Variants in FSTL3 observed in about 807,000 individuals in gnomAD.
FSTL3 encodes the protein follistatin-related protein 3.
FSTL3 carries 21 observed loss-of-function variants against 28.1 expected under a neutral mutation model. That is an observed-to-expected ratio of 0.75 (90% confidence interval 0.53 to 1.08). The LOEUF is 1.08. Among genes scored for constraint, FSTL3 ranks in the 50% least tolerant of loss-of-function variants. FSTL3 has a pLI of 0.00. For synonymous variants in FSTL3, 199 were observed against 164.2 expected (o/e 1.21, Z -1.62); for missense variants, 400 against 380.9 (o/e 1.05, Z -0.42).
intron 1 of FSTL3, 23 bp downstream of exon 1, chr19:676,549 CGGGCG>C: frequency 2.7e-6 from 1 of 365,144 alleles, no homozygotes; most frequent in Non-Finnish European, 3.8e-6. Flanking sequence ...GCCAGAGGGG[CGGGCG>C]GGGCGGGCCA....
chr19:681,090 A>G (rs1398849588), intron 3 of FSTL3, among the ~76,000 whole-genome samples: 1 of 148,364 alleles, frequency 6.7e-6, no homozygotes, highest in African/African-American at 2.5e-5. Flanking sequence ...GGCTTTGGGT[A>G]GCATAAGGGG....
intron 2 of FSTL3, among the ~76,000 whole-genome samples, chr19:678,300 G>C (rs748228970): frequency 8.5e-5 from 13 of 152,174 alleles, no homozygotes; most frequent in Non-Finnish European, 1.5e-4. Flanking sequence ...TTGCCATTCT[G>C]GCCTGTGACC....
intron 1 of FSTL3, among the ~76,000 whole-genome samples, chr19:676,791 G>A (rs893774922): frequency 2.6e-5 from 4 of 152,174 alleles, no homozygotes; most frequent in Non-Finnish European, 4.4e-5. Flanking sequence ...CGATAGTGCC[G>A]GAGCTCTCTT....
chr19:680,967 A>T, intron 3 of FSTL3: 1 of 277,170 alleles, frequency 3.6e-6, no homozygotes, highest in Non-Finnish European at 6.8e-6. Context: ...GGGGGGTGAG[A>T]CTGGGTCATG....
At chr19:681,597 G>A in intron 4 of FSTL3, 37 bp downstream of exon 4, 5 of 1,597,246 alleles carry the variant, frequency 3.1e-6, no homozygotes, top group Non-Finnish European at 4.3e-6. Flanking sequence ...CCTGTCCTGG[G>A]GGCCGGAGAA....
At chr19:677,481 T>C (rs1370725357) in intron 1 of FSTL3, among the ~76,000 whole-genome samples, 1 of 150,790 alleles carries the variant, frequency 6.6e-6, no homozygotes, top group African/African-American at 2.4e-5. Context: ...TTTGGTGGTG[T>C]TTGAGGGGTT....
intron 3 of FSTL3, chr19:680,981 G>C (rs1217356813): frequency 2.8e-6 from 1 of 355,072 alleles, no homozygotes; most frequent in Non-Finnish European, 5.2e-6. Flanking sequence ...GGTCATGTAA[G>C]GGGCGGGGCT....
intron 2 of FSTL3, chr19:680,058 C>G (rs1028403389): frequency 4.1e-6 from 1 of 241,136 alleles, no homozygotes; most frequent in Admixed American, 5.7e-5. Flanking sequence ...CCAGCGCAGG[C>G]GCAGCGCGGA....
chr19:680,427 T>TGCGCGCC lies in FSTL3; in HGVS notation c.450_456dup (p.Cys153ArgfsTer22). On this transcript the variant is annotated frameshift_variant, in exon 3 of 5. Coordinates refer to ENST00000166139, the MANE Select transcript of FSTL3 (RefSeq NM_005860.3). LOFTEE classifies it high-confidence loss of function. ...GCCACCTACCGCGACGAGTGCGAGC[T>TGCGCGCC]GCGCGCCGCGCGCTGCCGCGGCCAC... is the stretch of plus-strand genomic sequence containing the variant. The TGCGCGCC allele has an allele frequency of 7.9e-7, 1 of 1,266,510 alleles. No homozygotes were observed. 78.5% of individuals were successfully genotyped at this position (1,266,510 alleles called of 1,614,324 possible).
At chr19:677,200 C>T (rs1417608014) in intron 1 of FSTL3, among the ~76,000 whole-genome samples, 1 of 152,156 alleles carries the variant, frequency 6.6e-6, no homozygotes, top group Non-Finnish European at 1.5e-5. Flanking sequence ...TGGCTCCCCA[C>T]CCCCCATCCC....
At position 676,433 on chromosome 19, in the gene FSTL3, G is replaced by C; in HGVS notation, c.10G>C (p.Gly4Arg). The C allele has an allele frequency of 1.7e-6, 2 of 1,205,338 alleles. No individual in the cohort carries two copies. The highest frequency in any genetic ancestry group is 2.1e-6 in the Non-Finnish European group (2 of 965,792). 74.7% of individuals were successfully genotyped at this position (1,205,338 alleles called of 1,614,324 possible). ...CGTCTCTGCGTTCGCCATGCGTCCC[G>C]GGGCGCCAGGGCCACTCTGGCCTCT... is the stretch of plus-strand genomic sequence containing the variant. MRP[G>R]APGPLWPLPW... Residue 4 changes from glycine (G) to arginine (R), a missense_variant, in exon 1 of 5, where the codon GGG (glycine) becomes CGG (arginine). Physicochemically the swap from Gly to Arg is moderately radical, Grantham distance 125. Transcript: ENST00000166139.
intron 2 of FSTL3, chr19:679,987 G>A (rs2066800055): frequency 8.9e-6 from 2 of 225,540 alleles, no homozygotes; most frequent in African/African-American, 2.4e-5. Context: ...GCTGGACCCC[G>A]ATTCCGGGCA....
rs2144802984 is a variant in FSTL3, at chr19:683,008, C to T, written c.*1300C>T. The T allele has an allele frequency of 4.3e-6, 1 of 233,420 alleles. No homozygotes were observed. The highest frequency in any genetic ancestry group is 6.0e-5 in the East Asian group (1 of 16,556). 14.5% of individuals were successfully genotyped at this position (233,420 alleles called of 1,614,324 possible). A position where few individuals can be genotyped will look rare whatever the true frequency, so the allele number is the denominator to read the frequency against. On this transcript the variant is annotated 3_prime_UTR_variant, in exon 5 of 5. Coordinates refer to ENST00000166139, the MANE Select transcript of FSTL3 (RefSeq NM_005860.3). ...CAGGCCTGCAGACCCAGACTCCAGCCAGACCTGCCTCACCCACCAATGCAG... is the reference window on the plus strand; with the variant it reads ...CAGGCCTGCAGACCCAGACTCCAGCTAGACCTGCCTCACCCACCAATGCAG...
At chr19:678,091 G>A (rs767426913) in intron 2 of FSTL3, 114 bp downstream of exon 2, 41 of 961,922 alleles carry the variant, frequency 4.3e-5, no homozygotes, top group Admixed American at 3.2e-4. Context: ...GGGGTATGTA[G>A]GAGGCTGCAG....
rs2031359769 is a variant in FSTL3 at position 682,403 on chromosome 19, G to A, written c.*695G>A. On this transcript the variant is annotated 3_prime_UTR_variant, in exon 5 of 5. Coordinates refer to ENST00000166139, the MANE Select transcript of FSTL3 (RefSeq NM_005860.3). ...GGTCTAGCCTGGGTGAGTATGGAGG[G>A]TCTAGCCTGGGTGTGTACGGAGGGT... The A allele has an allele frequency of 4.2e-6, 1 of 237,156 alleles. No individual in the cohort carries two copies. Among genetic ancestry groups the A allele is most frequent in the South Asian group, 1.5e-4 (1 of 6,880 alleles). The allele number at this position is 237,156 out of a possible 1,614,324, so 14.7% of individuals were successfully genotyped here. A position where few individuals can be genotyped will look rare whatever the true frequency, so the allele number is the denominator to read the frequency against.
Position 676,514 on chromosome 19 carries a change from A to T in FSTL3, c.91A>T (p.Asn31Tyr). The change falls in exon 1 of 5, where the codon AAC (asparagine) becomes TAC (tyrosine). Residue 31 changes from asparagine (N) to tyrosine (Y), a missense_variant. Transcript: ENST00000166139. Reference protein sequence around the residue: ...VGFVSSMGSGNPAPGGVCWLQ... With the variant: ...VGFVSSMGSGYPAPGGVCWLQ... ...CTTCGTGAGCTCCATGGGCTCGGGGAACCCCGCGCCCGGTGAGTGGGGCGG... is the reference window on the plus strand; with the variant it reads ...CTTCGTGAGCTCCATGGGCTCGGGGTACCCCGCGCCCGGTGAGTGGGGCGG... 8.9e-7 allele frequency: 1 copy of T among 1,127,036 alleles called. No individual in the cohort carries two copies. The highest frequency in any genetic ancestry group is 1.1e-6 in the Non-Finnish European group (1 of 913,576). The allele number at this position is 1,127,036 out of a possible 1,614,324, so 69.8% of individuals were successfully genotyped here. A position where few individuals can be genotyped will look rare whatever the true frequency, so the allele number is the denominator to read the frequency against.
rs768737961 is a variant in FSTL3, at chr19:681,585, G to A, written c.733+25G>A. On this transcript the variant is annotated intron_variant, in intron 4 of 4. Coordinates refer to ENST00000166139, the MANE Select transcript of FSTL3 (RefSeq NM_005860.3). ...GGTGCAGACGCAGGGCGGGGGCACA[G>A]GCCTGTCCTGGGGGCCGGAGAACCC... 1.9e-5 allele frequency: 30 copies of A among 1,598,794 alleles called. No individual in the cohort carries two copies. In the Admixed American group the frequency reaches 3.1e-4, roughly 17 times the overall value.
rs1455798792 is a variant in FSTL3 at position 678,520 on chromosome 19, T to G, written c.289+543T>G. On this transcript the variant is annotated intron_variant, in intron 2 of 4. Coordinates refer to ENST00000166139, the MANE Select transcript of FSTL3 (RefSeq NM_005860.3). ...GATGGTTTTTTTTTTTTTTTTTTTT[T>G]TTTTTCCTGAGATGGAGCCTCGCTC... Among the ~76,000 whole-genome samples, 28 of 129,788 alleles carry G rather than the reference T, an allele frequency of 2.2e-4. No homozygotes were observed. The South Asian group carries it at 6.6e-3, about 31-fold the overall frequency. The allele number at this position is 129,788 out of a possible 152,430, so 85.1% of individuals were successfully genotyped here. A position where few individuals can be genotyped will look rare whatever the true frequency, so the allele number is the denominator to read the frequency against.
Position 681,766 on chromosome 19 carries a change from A to G in FSTL3, c.*58A>G. The G allele has an allele frequency of 1.4e-6, 2 of 1,401,290 alleles. No homozygotes were observed. Among genetic ancestry groups the G allele is most frequent in the Non-Finnish European group, 2.0e-6 (2 of 1,013,064 alleles). 86.8% of individuals were successfully genotyped at this position (1,401,290 alleles called of 1,614,324 possible). Reference sequence around the variant, plus strand: ...GGCCCCCCATCATCCCCTGTTATTTATTGCCACAGCAGAGTCTAATTTATA... The same window carrying G: ...GGCCCCCCATCATCCCCTGTTATTTGTTGCCACAGCAGAGTCTAATTTATA... On this transcript the variant is annotated 3_prime_UTR_variant, in exon 5 of 5. Transcript: ENST00000166139.
Sources: gnomAD v4.1 joint callset for allele counts (sites outside exome capture counted in the v4.1 genomes callset) on GRCh38, gnomAD v4.1.1 for gene constraint, MANE v1.5 for transcripts, NCBI Gene and HGNC (gene_info 2026-07-23, HGNC 2026-07-21) for gene names.